ANKS1A: variants seen among roughly 807,000 people sequenced by gnomAD.
ANKS1A encodes the protein ankyrin repeat and sterile alpha motif domain containing 1A.
A neutral mutation model predicts 120.3 loss-of-function variants in ANKS1A; 55 were observed. The observed-to-expected ratio is 0.46, with a 90% CI of 0.37 to 0.57. The LOEUF (loss-of-function observed/expected upper bound fraction) is 0.57, where lower values mean the gene tolerates loss of function less well. Among genes scored for constraint, ANKS1A ranks in the 20% least tolerant of loss-of-function variants. ANKS1A has a pLI of 0.00. For missense variants in ANKS1A, 1,123 were observed against 1,480.3 expected (o/e 0.76, Z 3.96); for synonymous variants, 590 against 604.7 (o/e 0.98, Z 0.36).
chr6:34,991,651 TATATATACAC>T (rs1772537437), intron 9 of ANKS1A, among the ~76,000 whole-genome samples: 3 of 126,350 alleles, frequency 2.4e-5, no homozygotes, highest in East Asian at 2.1e-4. Context: ...TACACACACA[TATATATACAC>T]ATATATATAC....
intron 11 of ANKS1A, among the ~76,000 whole-genome samples, chr6:35,045,065 C>T (rs990776146): frequency 1.3e-5 from 2 of 152,156 alleles, no homozygotes; most frequent in Non-Finnish European, 2.9e-5. Context: ...ACAGGCATTG[C>T]CTTTGGAGGA....
In ANKS1A at chr6:35,017,547, T is replaced by C; in HGVS notation, c.1498T>C (p.Ser500Pro). Residue 500 changes from serine to proline, a missense_variant, in exon 11 of 24, where the codon TCA becomes CCA. Physicochemically the swap from Ser to Pro is moderately conservative, Grantham distance 74. Coordinates refer to ENST00000360359, the MANE Select transcript of ANKS1A (RefSeq NM_015245.3). Reference sequence around the variant, plus strand: ...GGACGGGCAGGTCCCAGAGCAGTTCTCAGGCCTCCTCCACGGCTCCTCCCC... The same window carrying C: ...GGACGGGCAGGTCCCAGAGCAGTTCCCAGGCCTCCTCCACGGCTCCTCCCC... ...GQDGQVPEQF[S>P]GLLHGSSPVC... 5.6e-6 allele frequency: 9 copies of C among 1,614,066 alleles called. No homozygotes were observed. The highest frequency in any genetic ancestry group is 7.6e-6 in the Non-Finnish European group (9 of 1,179,990).
At chr6:34,940,117 CAG>C (rs1220586247) in intron 1 of ANKS1A, among the ~76,000 whole-genome samples, 6 of 152,328 alleles carry the variant, frequency 3.9e-5, no homozygotes, top group Admixed American at 3.9e-4. Flanking sequence ...GATTTAAAAA[CAG>C]AGTGTATTTT....
intron 11 of ANKS1A, among the ~76,000 whole-genome samples, chr6:35,041,048 G>A (rs761434523): frequency 1.3e-5 from 2 of 149,516 alleles, no homozygotes; most frequent in Non-Finnish European, 3.0e-5. Flanking sequence ...AAACTGAGAG[G>A]TTTGCGGAAA....
chr6:34,935,053 C>A (rs985449452), intron 1 of ANKS1A, among the ~76,000 whole-genome samples: 33 of 152,204 alleles, frequency 2.2e-4, no homozygotes, highest in African/African-American at 7.7e-4. Context: ...GGAGATTTAA[C>A]TCTGTTTTCA....
intron 11 of ANKS1A, chr6:35,039,675 T>C (rs556909802): frequency 1.3e-5 from 6 of 455,244 alleles, no homozygotes; most frequent in African/African-American, 1.2e-4. Flanking sequence ...GCCATTCTCC[T>C]GAAAGAGGCA....
intron 1 of ANKS1A, among the ~76,000 whole-genome samples, chr6:34,928,381 G>A (rs1415811177): frequency 6.6e-6 from 1 of 152,188 alleles, no homozygotes; most frequent in Non-Finnish European, 1.5e-5. Flanking sequence ...CTCTGTCACG[G>A]AAGGCTGTAA....
intron 10 of ANKS1A, among the ~76,000 whole-genome samples, chr6:35,000,830 TA>T (rs933280625): frequency 1.4e-4 from 21 of 151,934 alleles, no homozygotes; most frequent in African/African-American, 2.7e-4. Context: ...ATTAAAAGGT[TA>T]AAAAAAATTA....
intron 10 of ANKS1A, among the ~76,000 whole-genome samples, chr6:35,002,910 G>A (rs182102276): frequency 2.0e-5 from 3 of 150,846 alleles, no homozygotes; most frequent in African/African-American, 7.3e-5. Flanking sequence ...AATCCATTCA[G>A]TAAATCTCCA....
At chr6:35,042,618 G>A (rs1313680600) in intron 11 of ANKS1A, among the ~76,000 whole-genome samples, 3 of 152,170 alleles carry the variant, frequency 2.0e-5, no homozygotes, top group East Asian at 1.9e-4. Context: ...GTACAGCCAG[G>A]CTGCCTCTGC....
At chr6:34,961,239 T>C (rs1770621888) in intron 1 of ANKS1A, among the ~76,000 whole-genome samples, 1 of 152,194 alleles carries the variant, frequency 6.6e-6, no homozygotes, top group Non-Finnish European at 1.5e-5. Flanking sequence ...ATAGGACAGC[T>C]GTGATAGGGA....
At chr6:34,932,348 G>A (rs1448746512) in intron 1 of ANKS1A, among the ~76,000 whole-genome samples, 1 of 152,088 alleles carries the variant, frequency 6.6e-6, no homozygotes, top group Admixed American at 6.6e-5. Flanking sequence ...ACCGCCCCTG[G>A]CTATTTATAT....
At chr6:34,957,782 T>C (rs902733825) in intron 1 of ANKS1A, among the ~76,000 whole-genome samples, 1 of 152,160 alleles carries the variant, frequency 6.6e-6, no homozygotes, top group African/African-American at 2.4e-5. Flanking sequence ...TCTCTAAACA[T>C]TCAGTGTCAA....
At chr6:34,983,544 GT>G in intron 7 of ANKS1A, 119 bp downstream of exon 7, 1 of 859,284 alleles carries the variant, frequency 1.2e-6, no homozygotes, top group Non-Finnish European at 1.8e-6. Context: ...TGAGTACTTA[GT>G]TTATATTCAG....
In ANKS1A at chr6:35,077,558, T is replaced by C. The variant is rs974810597; in HGVS notation, c.2185-1000T>C. On this transcript the variant is annotated intron_variant, in intron 13 of 23. Coordinates refer to ENST00000360359, the MANE Select transcript of ANKS1A (RefSeq NM_015245.3). ...GCAGCTGCAACTGCGAGGGCCTCCA[T>C]GGCTGAGGGATGGGCAGGACCTGTG... Among the ~76,000 whole-genome samples the C allele has an allele frequency of 3.3e-5, 5 of 152,212 alleles. No individual in the cohort carries two copies. In the East Asian group the frequency reaches 9.6e-4, roughly 29 times the overall value.
intron 1 of ANKS1A, among the ~76,000 whole-genome samples, chr6:34,950,343 C>T (rs959630590): frequency 2.0e-5 from 3 of 150,294 alleles, no homozygotes; most frequent in Admixed American, 6.7e-5. Context: ...TCTCCTGCCT[C>T]AGCCTCCCTC....
rs922942026 is a variant in ANKS1A, at chr6:35,082,194, C to A, written c.2710-497C>A. On this transcript the variant is annotated intron_variant, in intron 17 of 23. Transcript: ENST00000360359. This position sits in a 1 kb window ranked among gnomAD's most constrained non-coding sequence, Gnocchi z 4.1. ...TGGACCGCAGTGGCCTCCCCCACCC[C>A]CTAGCTGCTGCCAGAAGGATCCATT... Among the ~76,000 whole-genome samples the A allele has an allele frequency of 6.6e-6, 1 of 152,202 alleles. No individual in the cohort carries two copies. Among genetic ancestry groups the A allele is most frequent in the East Asian group, 1.9e-4 (1 of 5,164 alleles).
intron 1 of ANKS1A, among the ~76,000 whole-genome samples, chr6:34,915,489 G>T (rs1274912486): frequency 6.6e-6 from 1 of 152,134 alleles, no homozygotes; most frequent in African/African-American, 2.4e-5. Context: ...TAGGACTACA[G>T]GTGAGTACCA....
Position 34,985,114 on chromosome 6 carries a change from A to G in ANKS1A, c.1045A>G (p.Ile349Val). The G allele has an allele frequency of 2.5e-6, 4 of 1,614,136 alleles. No individual in the cohort carries two copies. The highest frequency in any genetic ancestry group is 3.4e-6 in the Non-Finnish European group (4 of 1,180,016). The change falls in exon 8 of 24, where the codon ATA becomes GTA. Residue 349 changes from isoleucine to valine, a missense_variant. Transcript: ENST00000360359. ...GGAGAAAGCAGTGACTGAACTGATT[A>G]TAGATTTTGATGCAAATGCTGAAGA... The part of the protein sequence containing the change: ...DVEKAVTELI[I>V]DFDANAEEEG...
Sources: gnomAD v4.1 joint callset for allele counts (sites outside exome capture counted in the v4.1 genomes callset) on GRCh38, gnomAD v4.1.1 for gene constraint, Gnocchi (gnomAD v3.1) non-coding constraint, MANE v1.5 for transcripts, NCBI Gene and HGNC (gene_info 2026-07-23, HGNC 2026-07-21) for gene names.